Variants in KCNQ3 observed in about 807,000 individuals in gnomAD.
KCNQ3 encodes the protein potassium voltage-gated channel subfamily Q member 3.
A neutral mutation model predicts 92.5 loss-of-function variants in KCNQ3; 30 were observed. That is an observed-to-expected ratio of 0.32 (90% CI 0.24 to 0.44). KCNQ3 has a LOEUF of 0.44. KCNQ3 is among the 20% of genes least tolerant of loss of function. The pLI is 1.00. For missense variants in KCNQ3, 913 were observed against 1,140.3 expected (o/e 0.80, Z 2.87); for synonymous variants, 450 against 468.8 (o/e 0.96, Z 0.52).
chr8:132,317,492 T>C (rs565003842), intron 1 of KCNQ3, among the ~76,000 whole-genome samples: 1 of 152,320 alleles, frequency 6.6e-6, no homozygotes, highest in African/African-American at 2.4e-5. Flanking sequence ...AGTGATGAGT[T>C]TGACTTAAAC....
chr8:132,434,537 T>C (rs1821343882), intron 1 of KCNQ3, among the ~76,000 whole-genome samples: 1 of 152,210 alleles, frequency 6.6e-6, no homozygotes, highest in African/African-American at 2.4e-5. Flanking sequence ...GTTCATGTGG[T>C]CAACCTTCTC....
chr8:132,364,477 T>A (rs1451448424), intron 1 of KCNQ3, among the ~76,000 whole-genome samples: 2 of 152,194 alleles, frequency 1.3e-5, no homozygotes, highest in Non-Finnish European at 2.9e-5. Flanking sequence ...CTTCTGTTTA[T>A]CATCTCAAGG....
chr8:132,255,485 T>A (rs546179221), intron 1 of KCNQ3, among the ~76,000 whole-genome samples: 25 of 152,188 alleles, frequency 1.6e-4, no homozygotes, highest in Non-Finnish European at 2.9e-5. Flanking sequence ...TACATATTCC[T>A]GGGAACCTAG....
chr8:132,297,791 C>T (rs1361218925), intron 1 of KCNQ3, among the ~76,000 whole-genome samples: 1 of 152,172 alleles, frequency 6.6e-6, no homozygotes, highest in Non-Finnish European at 1.5e-5. Context: ...CACCCAGACT[C>T]CCCGGCTCCT....
At chr8:132,166,942 A>G (rs902504313) in intron 8 of KCNQ3, among the ~76,000 whole-genome samples, 2 of 152,204 alleles carry the variant, frequency 1.3e-5, no homozygotes, top group African/African-American at 4.8e-5. Flanking sequence ...TACCCAAGAG[A>G]GTTGAAAACA....
chr8:132,159,365 C>G (rs902906073), intron 9 of KCNQ3, among the ~76,000 whole-genome samples: 1 of 152,154 alleles, frequency 6.6e-6, no homozygotes, highest in African/African-American at 2.4e-5. Flanking sequence ...TCATGTGACT[C>G]TAATGGGGGT....
intron 1 of KCNQ3, among the ~76,000 whole-genome samples, chr8:132,365,889 G>A (rs577880932): frequency 6.6e-6 from 1 of 152,176 alleles, no homozygotes; most frequent in Non-Finnish European, 1.5e-5. Context: ...AATTAGCTGG[G>A]TGTGGTAGAG....
chr8:132,164,924 C>T (rs1206118787), intron 8 of KCNQ3, among the ~76,000 whole-genome samples: 1 of 152,124 alleles, frequency 6.6e-6, no homozygotes, highest in East Asian at 1.9e-4. Flanking sequence ...CCATCTGGCT[C>T]CACTCACCGG....
chr8:132,197,615 T>G (rs1033210041), intron 1 of KCNQ3, among the ~76,000 whole-genome samples: 1 of 152,082 alleles, frequency 6.6e-6, no homozygotes, highest in African/African-American at 2.4e-5. Flanking sequence ...TGTTTTCTCT[T>G]TCTTCTCCAG....
intron 1 of KCNQ3, among the ~76,000 whole-genome samples, chr8:132,381,994 A>G (rs1255801910): frequency 6.6e-6 from 1 of 152,252 alleles, no homozygotes; most frequent in Non-Finnish European, 1.5e-5. Context: ...TCGTCATGGC[A>G]TCTGTCCACT....
At position 132,128,579 on chromosome 8, in the gene KCNQ3, T is replaced by C. The variant is rs1824747150; in HGVS notation, c.*683A>G. Reference sequence around the variant, plus strand: ...CTGCCAATTCATAACTCATCAGAAATGCTACACTTGGGATTACCACCACTT... The same window carrying C: ...CTGCCAATTCATAACTCATCAGAAACGCTACACTTGGGATTACCACCACTT... On this transcript the variant is annotated 3_prime_UTR_variant, in exon 15 of 15. Coordinates refer to ENST00000388996, the MANE Select transcript of KCNQ3 (RefSeq NM_004519.4). 1 of 150,142 alleles carries C rather than the reference T, an allele frequency of 6.7e-6. No homozygotes were observed. The highest frequency in any genetic ancestry group is 1.5e-5 in the Non-Finnish European group (1 of 67,358). The allele number at this position is 150,142 out of a possible 1,614,324, so 9.3% of individuals were successfully genotyped here.
rs1208510236 is a variant in KCNQ3, at chr8:132,123,214, C to G, written c.*6048G>C. 2.0e-5 allele frequency: 3 copies of G among 152,256 alleles called. No homozygotes were observed. The East Asian group carries it at 5.8e-4, about 29-fold the overall frequency. 9.4% of individuals were successfully genotyped at this position (152,256 alleles called of 1,614,324 possible). On this transcript the variant is annotated 3_prime_UTR_variant, in exon 15 of 15. Transcript: ENST00000388996. ...TAAGGCATGACTGTTGCTGAATGAG[C>G]CCAAGTGATGGGCCAAAAAGGTGAA...
At chr8:132,145,988 T>A (rs1256953255) in intron 9 of KCNQ3, among the ~76,000 whole-genome samples, 1 of 152,216 alleles carries the variant, frequency 6.6e-6, no homozygotes, top group African/African-American at 2.4e-5. Flanking sequence ...GGAGGGCATG[T>A]GGCCAAAACA....
At chr8:132,448,911 GC>G (rs1420395262) in intron 1 of KCNQ3, among the ~76,000 whole-genome samples, 1 of 152,184 alleles carries the variant, frequency 6.6e-6, no homozygotes, top group Non-Finnish European at 1.5e-5. Context: ...ACAAATGTCA[GC>G]CCTGGCCCCG....
At chr8:132,265,287 G>A (rs1474544934) in intron 1 of KCNQ3, among the ~76,000 whole-genome samples, 1 of 152,220 alleles carries the variant, frequency 6.6e-6, no homozygotes, top group Non-Finnish European at 1.5e-5. Flanking sequence ...TTCCAAACAG[G>A]AAATTCATAT....
chr8:132,345,114 G>C (rs976510007), intron 1 of KCNQ3, among the ~76,000 whole-genome samples: 5 of 151,962 alleles, frequency 3.3e-5, no homozygotes, highest in Admixed American at 2.6e-4. Context: ...GCTCCTCTGG[G>C]GCCCTCAGGA....
chr8:132,352,098 G>A (rs955490627), intron 1 of KCNQ3, among the ~76,000 whole-genome samples: 2 of 152,170 alleles, frequency 1.3e-5, no homozygotes, highest in Non-Finnish European at 2.9e-5. Flanking sequence ...CATGCATTGT[G>A]AGGGTGGCAC....
intron 1 of KCNQ3, among the ~76,000 whole-genome samples, chr8:132,364,007 C>T (rs1031237359): frequency 6.6e-6 from 1 of 152,040 alleles, no homozygotes; most frequent in South Asian, 2.1e-4. Context: ...CTGTTCTTGG[C>T]TAGCAGCAGC....
chr8:132,300,357 G>A (rs907101572), intron 1 of KCNQ3, among the ~76,000 whole-genome samples: 1 of 152,166 alleles, frequency 6.6e-6, no homozygotes. Context: ...AAGAATACAT[G>A]AACTTGTTTC....
Sources: gnomAD v4.1 joint callset for allele counts (sites outside exome capture counted in the v4.1 genomes callset) on GRCh38, gnomAD v4.1.1 for gene constraint, MANE v1.5 for transcripts, NCBI Gene and HGNC (gene_info 2026-07-23, HGNC 2026-07-21) for gene names.